The following TDRKH variants were observed in gnomAD, a reference collection of about 807,000 sequenced individuals.
TDRKH encodes tudor and KH domain-containing protein.
Under a neutral mutation model 61.3 loss-of-function variants are expected in TDRKH, and 28 were observed. That is an observed-to-expected ratio of 0.46 (90% CI 0.34 to 0.63). The LOEUF (loss-of-function observed/expected upper bound fraction) is 0.63. TDRKH is among the 20% of genes least tolerant of loss of function. The pLI is 0.01. For missense variants in TDRKH, 540 were observed against 683.4 expected (o/e 0.79, Z 2.34); for synonymous variants, 219 against 244.4 (o/e 0.90, Z 0.97).
At chr1:151,781,446 C>A in intron 3 of TDRKH, 35 bp downstream of exon 3, 1 of 1,580,822 alleles carries the variant, frequency 6.3e-7, no homozygotes, top group Non-Finnish European at 8.7e-7. Context: ...CAGAATCAAT[C>A]CTTGGGAAAG....
chr1:151,768,368 G>A (rs1156273619), downstream of TDRKH: 17 of 1,320,878 alleles, frequency 1.3e-5, no homozygotes, highest in Non-Finnish European at 1.7e-5. Context: ...ACAAGCCTGT[G>A]AGCTGAGCCA....
downstream of TDRKH, chr1:151,767,504 G>A (rs564331517): frequency 4.4e-5 from 50 of 1,148,128 alleles, 1 homozygote; most frequent in South Asian, 9.7e-4. Context: ...TGAAAATCAG[G>A]ATTGGGAAAA....
In TDRKH at chr1:151,776,190, C is replaced by T; in HGVS notation, c.1123G>A (p.Val375Ile). ...TTCCCATTCTCCAAGGTGCCGAGGACCCGGGCTCGATACCAGGAACCATTT... is the reference window on the plus strand; with the variant it reads ...TTCCCATTCTCCAAGGTGCCGAGGATCCGGGCTCGATACCAGGAACCATTT... ...PTNGSWYRAR[V>I]LGTLENGNLD... Residue 375 changes from valine to isoleucine, a missense_variant, in exon 8 of 13, where the codon GTC (valine) becomes ATC (isoleucine). Around this residue, in one of 3 missense-constraint regions of TDRKH, gnomAD observed 379 missense variants for 443.8 expected, o/e 0.85. Transcript: ENST00000368824. The T allele has an allele frequency of 6.2e-7, 1 of 1,614,188 alleles. No homozygotes were observed. The highest frequency in any genetic ancestry group is 1.1e-5 in the South Asian group (1 of 91,078).
downstream of TDRKH, chr1:151,767,247 A>AG (rs755726545): frequency 2.5e-6 from 4 of 1,613,882 alleles, no homozygotes; most frequent in Non-Finnish European, 3.4e-6. Context: ...GGCCTCCAGG[A>AG]GGGCAAAAGC....
In TDRKH at chr1:151,782,986, T is replaced by C; in HGVS notation, c.37A>G (p.Thr13Ala). 6.2e-7 allele frequency: 1 copy of C among 1,613,908 alleles called. No individual in the cohort carries two copies. Among genetic ancestry groups the C allele is most frequent in the Non-Finnish European group, 8.5e-7 (1 of 1,179,938 alleles). ...TERTSWTSLS[T>A]IQKIALGLGI... is the part of the protein sequence containing the mutation. ...AGGCCCAGGGCTATTTTCTGAATGGTGGACAGGCTTGTCCAAGAAGTCCGT... is the reference window on the plus strand; with the variant it reads ...AGGCCCAGGGCTATTTTCTGAATGGCGGACAGGCTTGTCCAAGAAGTCCGT... Residue 13 changes from threonine to alanine, a missense_variant, in exon 2 of 13, where the codon ACC (threonine) becomes GCC (alanine). Thr to Ala is a moderately conservative substitution (Grantham distance 58). This residue lies in a region of TDRKH where 156 missense variants were observed against 218.0 expected (regional missense o/e 0.72). Transcript: ENST00000368824.
chr1:151,782,450 G>GAA (rs397819179), intron 2 of TDRKH, among the ~76,000 whole-genome samples: 7 of 147,720 alleles, frequency 4.7e-5, no homozygotes, highest in Admixed American at 2.0e-4. Context: ...CTGTCTCAAA[G>GAA]AAAAAAAAAA....
At chr1:151,770,654 T>C (rs1197355333), downstream of TDRKH, 1 of 242,056 alleles carries the variant, frequency 4.1e-6, no homozygotes, top group African/African-American at 2.3e-5. Flanking sequence ...CTATAGCCTC[T>C]TGCCTCAAGG....
At chr1:151,775,275 G>C in intron 10 of TDRKH, 109 bp from the exon 11 acceptor site, 1 of 1,551,322 alleles carries the variant, frequency 6.4e-7, no homozygotes, top group Non-Finnish European at 8.8e-7. Flanking sequence ...TGGTGAGATG[G>C]TGAGAAGGAT....
chr1:151,770,363 G>A (rs1252729835), downstream of TDRKH: 2 of 1,439,552 alleles, frequency 1.4e-6, no homozygotes, highest in Middle Eastern at 2.1e-4. Flanking sequence ...GCACCCTCAG[G>A]CATTTCAGGG....
rs1331503591 is a variant in TDRKH, at chr1:151,780,052, T to A, written c.320A>T (p.Gln107Leu). Reference sequence around the variant, plus strand: ...GATTGCTGCTTTGGCCTTGCACACCTGAACAGGAAAACCACTGATAAGCAG... The same window carrying A: ...GATTGCTGCTTTGGCCTTGCACACCAGAACAGGAAAACCACTGATAAGCAG... Reference protein sequence around the residue: ...RVLLISGFPVQVCKAKAAIHQ... With the variant: ...RVLLISGFPVLVCKAKAAIHQ... The change falls in exon 4 of 13, where the codon CAG becomes CTG. Residue 107 changes from glutamine to leucine, a missense_variant. Coordinates refer to ENST00000368824, the MANE Select transcript of TDRKH (RefSeq NM_001083965.2). 1 of 1,614,226 alleles carries A rather than the reference T, an allele frequency of 6.2e-7. No individual in the cohort carries two copies. Among genetic ancestry groups the A allele is most frequent in the Admixed American group, 1.7e-5 (1 of 60,028 alleles).
downstream of TDRKH, among the ~76,000 whole-genome samples, chr1:151,773,069 GTCTCTC>G (rs71755748): frequency 6.6e-6 from 1 of 151,648 alleles, no homozygotes; most frequent in Non-Finnish European, 1.5e-5. Flanking sequence ...TTGAGACAGA[GTCTCTC>G]TCTGTCACCC....
chr1:151,779,356 T>A, intron 4 of TDRKH, 114 bp from the exon 5 acceptor site: 1 of 1,342,156 alleles, frequency 7.5e-7, no homozygotes, highest in Non-Finnish European at 9.9e-7. Context: ...ATTTCTAAAG[T>A]GAACAAAATA....
In TDRKH at chr1:151,775,050, A is replaced by G. The variant is rs1253474123; in HGVS notation, c.1536+15T>C. 2 of 1,613,324 alleles carry G rather than the reference A, an allele frequency of 1.2e-6. No homozygotes were observed. The highest frequency in any genetic ancestry group is 1.7e-6 in the Non-Finnish European group (2 of 1,179,602). The stretch of plus-strand genomic sequence containing the variant: ...TTGCCTGGAAGCAGCACCCTATATA[A>G]CTACAATAGCTCACCATGTCCTTCA... On this transcript the variant is annotated intron_variant, in intron 11 of 12. Transcript: ENST00000368824.
chr1:151,776,587 T>C lies in TDRKH; in HGVS notation c.896A>G (p.Asp299Gly). ...EMPMFEIPSP[D>G]FSFHADEYLE... ...GTACTCATCAGCATGAAAACTGAAG[T>C]CAGGACTGGGGACTGAACACAGAGA... is the stretch of plus-strand genomic sequence containing the variant. The change falls in exon 7 of 13, where the codon GAC becomes GGC. Residue 299 changes from aspartate to glycine, a missense_variant. Transcript: ENST00000368824. 6.2e-7 allele frequency: 1 copy of C among 1,613,960 alleles called. No individual in the cohort carries two copies. The highest frequency in any genetic ancestry group is 8.5e-7 in the Non-Finnish European group (1 of 1,179,970).
rs564837264 is a variant in TDRKH, at chr1:151,776,206, G to T, written c.1107C>A (p.Ser369=). 6.2e-7 allele frequency: 1 copy of T among 1,614,138 alleles called. No homozygotes were observed. Among genetic ancestry groups the T allele is most frequent in the South Asian group, 1.1e-5 (1 of 91,080 alleles). ...TGCCGAGGACCCGGGCTCGATACCAGGAACCATTTGTAGGTAAAGGTGCTG... is the reference window on the plus strand; with the variant it reads ...TGCCGAGGACCCGGGCTCGATACCATGAACCATTTGTAGGTAAAGGTGCTG... ...IVAAPLPTNG[S]WYRARVLGTL... Residue 369 remains serine (S), a synonymous_variant, in exon 8 of 13, where the codon TCC becomes TCA. Transcript: ENST00000368824.
downstream of TDRKH, chr1:151,766,691 C>T (rs759974702): frequency 2.6e-6 from 4 of 1,551,192 alleles, no homozygotes; most frequent in Non-Finnish European, 2.6e-6. Context: ...GTGAACTTCA[C>T]TTTGCCACAG....
At chr1:151,782,791 CCAAAA>C in intron 2 of TDRKH, 103 bp downstream of exon 2, 3 of 1,413,442 alleles carry the variant, frequency 2.1e-6, no homozygotes, top group Non-Finnish European at 2.8e-6. Context: ...ACAAAAAACC[CCAAAA>C]CAAAACACAC....
Position 151,774,717 on chromosome 1 carries a change from G to A in TDRKH, c.1626C>T (p.Ser542=), listed in dbSNP as rs750852872. The A allele has an allele frequency of 3.1e-6, 5 of 1,614,118 alleles. No individual in the cohort carries two copies. The highest frequency in any genetic ancestry group is 4.2e-6 in the Non-Finnish European group (5 of 1,179,992). Residue 542 remains serine, a synonymous_variant, in exon 12 of 13, where the codon AGC becomes AGT. Transcript: ENST00000368824. ...GEITHTLSCL[S]LSEAASMSGD... ...AGGAAATACTGCTTGTACCTGATAA[G>A]CTGAGGCAGGACAGGGTATGTGTTA...
chr1:151,782,346 C>T (rs190293112), intron 2 of TDRKH, among the ~76,000 whole-genome samples: 16 of 152,100 alleles, frequency 1.1e-4, no homozygotes, highest in African/African-American at 3.9e-4. Context: ...ACTAGGGTGG[C>T]TGAGGCAGGA....
Sources: gnomAD v4.1 joint callset for allele counts (sites outside exome capture counted in the v4.1 genomes callset) on GRCh38, gnomAD v4.1.1 for gene constraint, gnomAD v4.1.1 regional missense constraint, MANE v1.5 for transcripts, NCBI Gene and HGNC (gene_info 2026-07-23, HGNC 2026-07-21) for gene names.